THSD7B: variants seen among roughly 807,000 people sequenced by gnomAD.
The protein encoded by THSD7B is thrombospondin type 1 domain containing 7B.
A neutral mutation model predicts 213.6 loss-of-function variants in THSD7B; 138 were observed. The observed-to-expected ratio is 0.65, with a 90% confidence interval of 0.56 to 0.74. The LOEUF is 0.74. Among genes scored for constraint, THSD7B ranks in the 30% least tolerant of loss-of-function variants. The pLI is 0.00. For missense variants in THSD7B, 1,931 were observed against 1,991.5 expected (o/e 0.97, Z 0.58); for synonymous variants, 742 against 687.0 (o/e 1.08, Z -1.25).
At chr2:137,383,343 CTGTGGCCT>C (rs1685820561) in intron 12 of THSD7B, among the ~76,000 whole-genome samples, 1 of 152,226 alleles carries the variant, frequency 6.6e-6, no homozygotes, top group Non-Finnish European at 1.5e-5. Flanking sequence ...TGTATTACTG[CTGTGGCCT>C]CTGAGTCCAG....
chr2:137,621,466 C>A (rs530818850), intron 20 of THSD7B, among the ~76,000 whole-genome samples: 114 of 152,140 alleles, frequency 7.5e-4, no homozygotes, highest in African/African-American at 2.4e-3. Context: ...TCCCAGAATC[C>A]CAGTGGATAA....
chr2:137,359,828 T>A, intron 12 of THSD7B, among the ~76,000 whole-genome samples: 1 of 152,194 alleles, frequency 6.6e-6, no homozygotes, highest in Non-Finnish European at 1.5e-5. Context: ...TATCTTGCTG[T>A]TCTTCCCACA....
intron 27 of THSD7B, among the ~76,000 whole-genome samples, chr2:137,673,792 G>A (rs1310411604): frequency 2.0e-5 from 3 of 152,154 alleles, no homozygotes; most frequent in Non-Finnish European, 2.9e-5. Flanking sequence ...TAATATTTGA[G>A]AGGAGGCTGA....
intron 5 of THSD7B, among the ~76,000 whole-genome samples, chr2:137,149,634 G>T (rs1383927388): frequency 6.6e-6 from 1 of 152,212 alleles, no homozygotes; most frequent in Non-Finnish European, 1.5e-5. Flanking sequence ...GCATGACCTG[G>T]ACATGAGACA....
Position 137,115,310 on chromosome 2 carries a change from G to A in THSD7B, c.1369+17G>A, listed in dbSNP as rs377531212. On this transcript the variant is annotated intron_variant, in intron 5 of 27. Transcript: ENST00000409968. ...CCAAGGAAGGTAGGCAGCCAGTTCCGGGACAGATGGTGCACTGCTGGTTGG... is the reference window on the plus strand; with the variant it reads ...CCAAGGAAGGTAGGCAGCCAGTTCCAGGACAGATGGTGCACTGCTGGTTGG... 16 of 1,528,546 alleles carry A rather than the reference G, an allele frequency of 1.0e-5. No homozygotes were observed. The highest frequency in any genetic ancestry group is 5.6e-5 in the African/African-American group (4 of 71,522). The allele number at this position is 1,528,546 out of a possible 1,614,324, so 94.7% of individuals were successfully genotyped here.
chr2:137,449,066 G>C (rs951915231), intron 14 of THSD7B, among the ~76,000 whole-genome samples: 8 of 152,212 alleles, frequency 5.3e-5, no homozygotes, highest in East Asian at 3.9e-4. Context: ...AGTAATAAAA[G>C]TTATTTTGTA....
chr2:136,949,050 T>C (rs1387139392), intron 2 of THSD7B, among the ~76,000 whole-genome samples: 1 of 152,186 alleles, frequency 6.6e-6, no homozygotes, highest in Non-Finnish European at 1.5e-5. Flanking sequence ...CCTGTGTACA[T>C]TTCTGAGGGA....
chr2:136,927,412 T>G (rs543059333), intron 2 of THSD7B, among the ~76,000 whole-genome samples: 2 of 152,194 alleles, frequency 1.3e-5, no homozygotes, highest in Non-Finnish European at 2.9e-5. Context: ...CAAATTGACT[T>G]CTGGAATACT....
Position 137,160,251 on chromosome 2 carries a change from G to C in THSD7B, c.1408G>C (p.Ala470Pro), listed in dbSNP as rs569237144. 7 of 1,613,418 alleles carry C rather than the reference G, an allele frequency of 4.3e-6. No individual in the cohort carries two copies. Among genetic ancestry groups the C allele is most frequent in the Non-Finnish European group, 5.9e-6 (7 of 1,179,656 alleles). ...PVEKALCVGP[A>P]PLPSQLCNIP... is the part of the protein sequence containing the mutation. ...GGAAAAGGCATTATGTGTGGGACCC[G>C]CCCCGTTGCCCTCTCAGCTCTGCAA... The change falls in exon 6 of 28, where the codon GCC (alanine) becomes CCC (proline). Residue 470 changes from alanine (A) to proline (P), a missense_variant. Coordinates refer to ENST00000409968, the MANE Select transcript of THSD7B (RefSeq NM_001316349.2).
chr2:137,040,690 G>A (rs1050546502), intron 2 of THSD7B, among the ~76,000 whole-genome samples: 27 of 152,138 alleles, frequency 1.8e-4, no homozygotes, highest in East Asian at 7.7e-4. Context: ...ACCGCGCTCA[G>A]CAGAGGTAGC....
intron 2 of THSD7B, among the ~76,000 whole-genome samples, chr2:136,919,478 A>G (rs976545929): frequency 1.3e-5 from 2 of 152,242 alleles, no homozygotes; most frequent in African/African-American, 2.4e-5. Context: ...GTTGCTTCTC[A>G]TAAGAATGTT....
At chr2:137,322,170 T>C (rs143499139) in intron 12 of THSD7B, among the ~76,000 whole-genome samples, 2 of 152,202 alleles carry the variant, frequency 1.3e-5, no homozygotes, top group East Asian at 3.8e-4. Flanking sequence ...TCCCCTTTCC[T>C]CCCTGGTGTA....
intron 10 of THSD7B, among the ~76,000 whole-genome samples, chr2:137,243,748 C>G (rs953166051): frequency 2.6e-5 from 4 of 152,200 alleles, no homozygotes; most frequent in African/African-American, 4.8e-5. Context: ...GCTGTGGCAC[C>G]TGTTGAAAAT....
chr2:137,163,870 G>T (rs1053069819), intron 6 of THSD7B, among the ~76,000 whole-genome samples: 2 of 152,160 alleles, frequency 1.3e-5, no homozygotes, highest in African/African-American at 4.8e-5. Context: ...TTTAATGATG[G>T]CCATGTTGGC....
At chr2:136,904,146 T>C (rs1684114099) in intron 2 of THSD7B, among the ~76,000 whole-genome samples, 1 of 151,982 alleles carries the variant, frequency 6.6e-6, no homozygotes, top group African/African-American at 2.4e-5. Context: ...TAATATTCAG[T>C]GTGTAGCGAG....
rs984459583 is a variant in THSD7B, at chr2:137,002,477, G to A, written c.140-53943G>A. Reference sequence around the variant, plus strand: ...TGCTGTATCTTAGGACTCCAAAGTAGATTTCCCCTTTGGTATCTTATGAGT... The same window carrying A: ...TGCTGTATCTTAGGACTCCAAAGTAAATTTCCCCTTTGGTATCTTATGAGT... On this transcript the variant is annotated intron_variant, in intron 2 of 27. Transcript: ENST00000409968. Among the ~76,000 whole-genome samples the A allele has an allele frequency of 1.8e-4, 27 of 152,136 alleles. 1 individual carries two copies. The highest frequency in any genetic ancestry group is 5.9e-4 in the Admixed American group (9 of 15,272).
At chr2:137,082,920 T>C (rs1047682985) in intron 3 of THSD7B, among the ~76,000 whole-genome samples, 1 of 152,126 alleles carries the variant, frequency 6.6e-6, no homozygotes, top group African/African-American at 2.4e-5. Flanking sequence ...CACTCAAGGA[T>C]ACTCCTCAGG....
At chr2:137,208,668 G>T (rs578182524) in intron 7 of THSD7B, among the ~76,000 whole-genome samples, 1 of 152,124 alleles carries the variant, frequency 6.6e-6, no homozygotes, top group Admixed American at 6.6e-5. Context: ...GGTGGGCAGG[G>T]TGCTAGAGAA....
At chr2:137,247,222 A>C (rs1035529739) in intron 10 of THSD7B, among the ~76,000 whole-genome samples, 3 of 152,218 alleles carry the variant, frequency 2.0e-5, no homozygotes, top group Non-Finnish European at 4.4e-5. Flanking sequence ...ACCTTTAAAG[A>C]GCCTTGCTGC....
Sources: allele counts gnomAD v4.1 joint callset (sites outside exome capture counted in the v4.1 genomes callset), GRCh38; gene constraint gnomAD v4.1.1; transcripts MANE v1.5; gene names NCBI Gene and HGNC (gene_info 2026-07-23, HGNC 2026-07-21).